Variants in TRPC5 observed in about 807,000 individuals in gnomAD.
TRPC5 encodes the protein short transient receptor potential channel 5.
TRPC5 carries 9 observed loss-of-function variants against 56.5 expected under a neutral mutation model. The observed-to-expected ratio is 0.16, with a 90% CI of 0.10 to 0.28. The LOEUF (loss-of-function observed/expected upper bound fraction) is 0.28, where lower values mean the gene tolerates loss of function less well. Ranked by LOEUF, TRPC5 falls within the 10% of genes least tolerant of loss-of-function variation. TRPC5 has a pLI of 1.00. For missense variants in TRPC5, 469 were observed against 748.9 expected (o/e 0.63, Z 4.36); for synonymous variants, 282 against 278.5 (o/e 1.01, Z -0.13).
At chrX:111,814,911 T>C (rs1193624347) in intron 7 of TRPC5, among the ~76,000 whole-genome samples, 1 of 110,920 alleles carries the variant, frequency 9.0e-6, no homozygotes, top group Non-Finnish European at 1.9e-5. Flanking sequence ...AAGCTCCAGC[T>C]CCATTCCAGC....
chrX:111,996,502 G>C (rs1352796442), intron 1 of TRPC5, among the ~76,000 whole-genome samples: 1 of 111,829 alleles, frequency 8.9e-6, no homozygotes, highest in Non-Finnish European at 1.9e-5. Flanking sequence ...TGTTAGGTCT[G>C]CTTGTTGCAG....
At chrX:111,801,525 C>T (rs1921310850) in intron 7 of TRPC5, among the ~76,000 whole-genome samples, 1 of 111,961 alleles carries the variant, frequency 8.9e-6, no homozygotes, top group South Asian at 3.7e-4. Context: ...TACGAGGGTT[C>T]CAATTTCTCC....
chrX:111,805,624 T>C (rs1231062919), intron 7 of TRPC5, among the ~76,000 whole-genome samples: 2 of 111,801 alleles, frequency 1.8e-5, no homozygotes, highest in Non-Finnish European at 3.8e-5. Context: ...AAAATTATTA[T>C]GCCAGTTAGG....
chrX:111,817,724 G>A lies in TRPC5; in HGVS notation c.1896+17197C>T, dbSNP rs139354846. Among the ~76,000 whole-genome samples the A allele has an allele frequency of 4.1e-3, 456 of 111,496 alleles. 3 individuals carry two copies. The highest frequency in any genetic ancestry group is 9.3e-3 in the Middle Eastern group (2 of 216). On this transcript the variant is annotated intron_variant, in intron 7 of 10. Coordinates refer to ENST00000262839, the MANE Select transcript of TRPC5 (RefSeq NM_012471.3). ...GATGTGGCAACTGAGGTTCTGGAGA[G>A]AGAAATTACTTCTCTAGGGTCACAG...
chrX:111,798,662 A>C (rs1921192490), intron 7 of TRPC5, among the ~76,000 whole-genome samples: 1 of 112,007 alleles, frequency 8.9e-6, no homozygotes, highest in South Asian at 3.7e-4. Context: ...AAAATAAAAA[A>C]AAAAGGAAAT....
In TRPC5 at chrX:111,817,592, G is replaced by A. The variant is rs992327093; in HGVS notation, c.1896+17329C>T. 1.0e-4 allele frequency among the ~76,000 whole-genome samples: 11 copies of A among 110,445 alleles called. 2 individuals are homozygous for A. The highest frequency in any genetic ancestry group is 4.8e-4 in the Admixed American group (5 of 10,323). On this transcript the variant is annotated intron_variant, in intron 7 of 10. Transcript: ENST00000262839. ...GCCCGCCTCGGCCTCCCAAAGTGCT[G>A]GTATTACAAGCATGAGCCACCGTGC...
At chrX:111,998,979 A>G (rs113358101) in intron 1 of TRPC5, among the ~76,000 whole-genome samples, 6,797 of 111,461 alleles carry the variant, frequency 0.061, 511 homozygotes, top group African/African-American at 0.21. Context: ...AGAACATGCA[A>G]GTTTTTTACC....
intron 3 of TRPC5, among the ~76,000 whole-genome samples, chrX:111,911,340 A>G (rs1304230872): frequency 8.9e-6 from 1 of 112,326 alleles, no homozygotes; most frequent in Admixed American, 9.4e-5. Flanking sequence ...CTTATTTCCC[A>G]CAATCCCCTA....
chrX:111,848,670 A>C (rs1922997946), intron 5 of TRPC5, among the ~76,000 whole-genome samples: 1 of 112,557 alleles, frequency 8.9e-6, no homozygotes, highest in African/African-American at 3.2e-5. Flanking sequence ...TGGTGCGTTT[A>C]AAATCACTTG....
At chrX:111,817,380 G>A (rs1437552535) in intron 7 of TRPC5, among the ~76,000 whole-genome samples, 1 of 98,067 alleles carries the variant, frequency 1.0e-5, no homozygotes. Context: ...AGGCTGGAGT[G>A]CAGTGGTGCC....
At chrX:112,014,241 G>T (rs16986735) in intron 1 of TRPC5, among the ~76,000 whole-genome samples, 5,777 of 112,147 alleles carry the variant, frequency 0.052, 132 homozygotes, top group African/African-American at 0.098. Flanking sequence ...GCCTGAGCCA[G>T]CTCAAAGTTT....
intron 2 of TRPC5, among the ~76,000 whole-genome samples, chrX:111,922,546 T>C (rs146156210): frequency 8.9e-6 from 1 of 112,322 alleles, no homozygotes; most frequent in African/African-American, 3.2e-5. Flanking sequence ...ATCTAATCAG[T>C]TCACATTACC....
intron 1 of TRPC5, among the ~76,000 whole-genome samples, chrX:112,041,384 T>A (rs1208959959): frequency 8.9e-6 from 1 of 112,305 alleles, no homozygotes; most frequent in East Asian, 2.8e-4. Flanking sequence ...GAAATTATAA[T>A]CATAACATCC....
intron 1 of TRPC5, among the ~76,000 whole-genome samples, chrX:111,967,160 T>A (rs747080913): frequency 9.0e-6 from 1 of 111,468 alleles, no homozygotes; most frequent in Non-Finnish European, 1.9e-5. Context: ...TGTACAAAAA[T>A]CACAAGCATT....
At chrX:112,020,021 T>C (rs1477899907) in intron 1 of TRPC5, among the ~76,000 whole-genome samples, 1 of 112,064 alleles carries the variant, frequency 8.9e-6, no homozygotes, top group Non-Finnish European at 1.9e-5. Context: ...GTATATAACA[T>C]TGGATTCATC....
At chrX:112,044,737 C>T (rs1004274289) in intron 1 of TRPC5, among the ~76,000 whole-genome samples, 10 of 112,039 alleles carry the variant, frequency 8.9e-5, no homozygotes, top group Non-Finnish European at 1.1e-4. Context: ...TTTCTCACCC[C>T]TAAGCCCCTC....
chrX:111,837,041 C>T (rs1338004236), intron 6 of TRPC5, among the ~76,000 whole-genome samples: 3 of 112,564 alleles, frequency 2.7e-5, no homozygotes, highest in Non-Finnish European at 5.6e-5. Flanking sequence ...TTCAGCATCA[C>T]GCTGCTAGAG....
At chrX:112,008,610 A>T (rs1372855734) in intron 1 of TRPC5, among the ~76,000 whole-genome samples, 1 of 109,012 alleles carries the variant, frequency 9.2e-6, no homozygotes, top group Non-Finnish European at 1.9e-5. Flanking sequence ...AAAAAAAAAA[A>T]AAAAATATAG....
In TRPC5 at chrX:111,768,595, G is replaced by A. The variant is rs2148543705; in HGVS notation, c.*7718C>T. Among the ~76,000 whole-genome samples, 1 of 112,082 alleles carries A rather than the reference G, an allele frequency of 8.9e-6. No individual in the cohort carries two copies. Among genetic ancestry groups the A allele is most frequent in the South Asian group, 3.7e-4 (1 of 2,689 alleles). ...AAGGATGTGTTTATCCTTATCTGAA[G>A]TGTCCTGGGGAAGGTCTGTGTCTTT... On this transcript the variant is annotated 3_prime_UTR_variant, in exon 11 of 11. Coordinates refer to ENST00000262839, the MANE Select transcript of TRPC5 (RefSeq NM_012471.3).
Sources: allele counts gnomAD v4.1 joint callset (sites outside exome capture counted in the v4.1 genomes callset), GRCh38; gene constraint gnomAD v4.1.1; transcripts MANE v1.5; gene names NCBI Gene and HGNC (gene_info 2026-07-23, HGNC 2026-07-21).